Variants in AGBL1 observed in about 807,000 individuals in gnomAD.
AGBL1 encodes AGBL carboxypeptidase 1.
AGBL1 carries 130 observed loss-of-function variants against 118.9 expected under a neutral mutation model. The observed-to-expected ratio is 1.09, with a 90% confidence interval of 0.95 to 1.26. The LOEUF (loss-of-function observed/expected upper bound fraction) is 1.26. Among genes scored for constraint, AGBL1 ranks in the 50% most tolerant of loss-of-function variants. AGBL1 has a pLI of 0.00. For missense variants in AGBL1, 1,584 were observed against 1,298.1 expected (o/e 1.22, Z -3.38); for synonymous variants, 555 against 478.9 (o/e 1.16, Z -2.08).
intron 21 of AGBL1, among the ~76,000 whole-genome samples, chr15:86,579,917 T>C (rs1032978137): frequency 1.3e-5 from 2 of 152,028 alleles, no homozygotes; most frequent in Non-Finnish European, 2.9e-5. Flanking sequence ...GGACTGTATT[T>C]GATACTGGGA....
At chr15:86,888,615 G>C (rs1285212449) in intron 22 of AGBL1, among the ~76,000 whole-genome samples, 1 of 152,102 alleles carries the variant, frequency 6.6e-6, no homozygotes, top group Non-Finnish European at 1.5e-5. Flanking sequence ...AGCTCAGCGT[G>C]AGGGGATTTC....
At chr15:86,512,513 G>A (rs1163733165) in intron 18 of AGBL1, among the ~76,000 whole-genome samples, 1 of 151,144 alleles carries the variant, frequency 6.6e-6, no homozygotes, top group African/African-American at 2.4e-5. Flanking sequence ...TTTTTTCCTT[G>A]GTAAGTCATA....
At chr15:86,254,495 C>T (rs2078864625) in intron 7 of AGBL1, among the ~76,000 whole-genome samples, 1 of 152,142 alleles carries the variant, frequency 6.6e-6, no homozygotes, top group Non-Finnish European at 1.5e-5. Context: ...ATTTATTACG[C>T]CAAAGCGAAT....
intron 15 of AGBL1, among the ~76,000 whole-genome samples, chr15:86,279,418 G>A (rs909306073): frequency 6.6e-6 from 1 of 152,192 alleles, no homozygotes. Context: ...GGAGGCAGAT[G>A]GGCCAGGCTA....
At chr15:86,689,276 C>T (rs959684110) in intron 22 of AGBL1, among the ~76,000 whole-genome samples, 4 of 152,086 alleles carry the variant, frequency 2.6e-5, no homozygotes, top group African/African-American at 9.7e-5. Context: ...TAAATTTCAC[C>T]ATCTCAGCAA....
At chr15:86,432,887 C>T (rs1004837733) in intron 18 of AGBL1, among the ~76,000 whole-genome samples, 1 of 152,200 alleles carries the variant, frequency 6.6e-6, no homozygotes, top group East Asian at 1.9e-4. Flanking sequence ...AGCACAGGGG[C>T]AGGTTGCACT....
At chr15:86,351,471 G>A (rs1185027320) in intron 17 of AGBL1, among the ~76,000 whole-genome samples, 1 of 152,166 alleles carries the variant, frequency 6.6e-6, no homozygotes, top group Non-Finnish European at 1.5e-5. Flanking sequence ...TGAAGAGAAA[G>A]CATGGCGTTC....
intron 19 of AGBL1, among the ~76,000 whole-genome samples, chr15:86,536,442 C>G (rs529351701): frequency 6.6e-6 from 1 of 152,292 alleles, no homozygotes; most frequent in East Asian, 1.9e-4. Flanking sequence ...TCCTGAGTAG[C>G]TGGGACTGCA....
chr15:86,282,484 C>G (rs1597675518), intron 16 of AGBL1, among the ~76,000 whole-genome samples: 1 of 152,232 alleles, frequency 6.6e-6, no homozygotes, highest in Non-Finnish European at 1.5e-5. Context: ...CTTATTTCTC[C>G]TAAATGAACA....
At chr15:86,721,080 G>A (rs1176236888) in intron 22 of AGBL1, among the ~76,000 whole-genome samples, 2 of 152,284 alleles carry the variant, frequency 1.3e-5, no homozygotes, top group East Asian at 1.9e-4. Context: ...ACAAGGAGGA[G>A]CTGGTACCAT....
intron 1 of AGBL1, among the ~76,000 whole-genome samples, chr15:86,132,082 C>G (rs1295896822): frequency 1.3e-5 from 2 of 152,122 alleles, no homozygotes; most frequent in Non-Finnish European, 1.5e-5. Context: ...AAGACCATTA[C>G]CCACTACTTT....
intron 5 of AGBL1, among the ~76,000 whole-genome samples, chr15:86,182,447 C>T (rs901225505): frequency 2.0e-5 from 3 of 152,088 alleles, no homozygotes; most frequent in African/African-American, 7.2e-5. Flanking sequence ...TTCTCTCTCT[C>T]TCTATATTCA....
intron 21 of AGBL1, among the ~76,000 whole-genome samples, chr15:86,611,515 A>G (rs1444126936): frequency 6.6e-6 from 1 of 152,312 alleles, no homozygotes; most frequent in East Asian, 1.9e-4. Context: ...ATCAGGAGAA[A>G]GACTTAGAGG....
At chr15:86,460,967 C>T (rs938421096) in intron 18 of AGBL1, among the ~76,000 whole-genome samples, 3 of 152,154 alleles carry the variant, frequency 2.0e-5, no homozygotes, top group Admixed American at 6.5e-5. Context: ...CGGTTCAGTA[C>T]CCAAACAGAT....
At chr15:86,364,495 G>T (rs985101717) in intron 17 of AGBL1, among the ~76,000 whole-genome samples, 1 of 152,120 alleles carries the variant, frequency 6.6e-6, no homozygotes, top group Non-Finnish European at 1.5e-5. Flanking sequence ...CTTTAATCTG[G>T]AATTTTAATG....
chr15:86,679,791 T>C lies in AGBL1; in HGVS notation c.3158+5355T>C, dbSNP rs182425791. Among the ~76,000 whole-genome samples the C allele has an allele frequency of 4.6e-5, 7 of 152,296 alleles. No homozygotes were observed. In the East Asian group the frequency reaches 1.3e-3, roughly 29 times the overall value. ...TGATTAATTTTATCAAAAGATTCTT[T>C]AGTATCTAGAAAAATAACTATTTAC... is the stretch of plus-strand genomic sequence containing the variant. On this transcript the variant is annotated intron_variant, in intron 22 of 22. Coordinates refer to ENST00000614907, the MANE Select transcript of AGBL1 (RefSeq NM_001386094.1).
intron 23 of AGBL1, among the ~76,000 whole-genome samples, chr15:86,945,218 T>C (rs1205994802): frequency 1.6e-5 from 2 of 128,630 alleles, no homozygotes; most frequent in Non-Finnish European, 3.1e-5. Flanking sequence ...CACCCAAGTC[T>C]GGGCAACAGA....
intron 24 of AGBL1, among the ~76,000 whole-genome samples, chr15:87,006,822 C>T (rs1159308950): frequency 6.6e-6 from 1 of 152,142 alleles, no homozygotes; most frequent in East Asian, 1.9e-4. Flanking sequence ...CTTGGAACCC[C>T]TTGGAGCCAA....
At chr15:86,733,480 C>G (rs1440240768) in intron 22 of AGBL1, among the ~76,000 whole-genome samples, 1 of 152,178 alleles carries the variant, frequency 6.6e-6, no homozygotes, top group African/African-American at 2.4e-5. Context: ...TCCCTTAGCT[C>G]AGTTAAGTTG....
Sources: gnomAD v4.1 joint callset for allele counts (sites outside exome capture counted in the v4.1 genomes callset) on GRCh38, gnomAD v4.1.1 for gene constraint, MANE v1.5 for transcripts, NCBI Gene and HGNC (gene_info 2026-07-23, HGNC 2026-07-21) for gene names.